The following XKR4 variants were observed in gnomAD, a reference collection of about 807,000 sequenced individuals.
XKR4 encodes the protein XK-related protein 4.
A neutral mutation model predicts 53.9 loss-of-function variants in XKR4; 12 were observed. The ratio of observed to expected loss-of-function variants is 0.22; its 90% CI spans 0.14 to 0.36. The LOEUF is 0.36. Among genes scored for constraint, XKR4 ranks in the 10% least tolerant of loss-of-function variants. The pLI is 1.00. For missense variants in XKR4, 799 were observed against 859.5 expected (o/e 0.93, Z 0.88); for synonymous variants, 354 against 362.4 (o/e 0.98, Z 0.26).
Position 55,524,362 on chromosome 8 carries a change from T to C in XKR4, c.*135T>C. 1 of 895,010 alleles carries C rather than the reference T, an allele frequency of 1.1e-6. No homozygotes were observed. The allele number at this position is 895,010 out of a possible 1,614,324, so 55.4% of individuals were successfully genotyped here. On this transcript the variant is annotated 3_prime_UTR_variant, in exon 3 of 3. Coordinates refer to ENST00000327381, the MANE Select transcript of XKR4 (RefSeq NM_052898.2). ...GTGGGACCGTCATCACCATTATCAT[T>C]TGATCCTGTCGGCTGGGGGCGGCTG... is the stretch of plus-strand genomic sequence containing the variant.
At chr8:55,207,632 G>A (rs555062276) in intron 1 of XKR4, among the ~76,000 whole-genome samples, 6 of 3,568 alleles carry the variant, frequency 1.7e-3, no homozygotes, top group Admixed American at 5.4e-3. Context: ...ACACACATGC[G>A]CGCGCACACA....
intron 1 of XKR4, chr8:55,273,022 T>C (rs1338826007): frequency 7.8e-6 from 3 of 383,076 alleles, no homozygotes; most frequent in African/African-American, 6.4e-5. Flanking sequence ...AAGGGTGTGA[T>C]GTGGTGATGT....
intron 2 of XKR4, among the ~76,000 whole-genome samples, chr8:55,433,200 C>A (rs1297247061): frequency 6.6e-6 from 1 of 152,108 alleles, no homozygotes; most frequent in Non-Finnish European, 1.5e-5. Flanking sequence ...AAAGAGCTAA[C>A]TATCTAAATG....
At chr8:55,448,602 C>G (rs1270296550) in intron 2 of XKR4, among the ~76,000 whole-genome samples, 6 of 152,186 alleles carry the variant, frequency 3.9e-5, no homozygotes, top group Non-Finnish European at 8.8e-5. Flanking sequence ...TTATTTTTCT[C>G]TTAGTGGGTT....
At chr8:55,442,419 T>G (rs1805284059) in intron 2 of XKR4, among the ~76,000 whole-genome samples, 1 of 152,202 alleles carries the variant, frequency 6.6e-6, no homozygotes, top group Non-Finnish European at 1.5e-5. Flanking sequence ...GAAAACAGTT[T>G]GAAACACAGT....
At chr8:55,211,400 A>C (rs1817727975) in intron 1 of XKR4, among the ~76,000 whole-genome samples, 1 of 152,246 alleles carries the variant, frequency 6.6e-6, no homozygotes, top group South Asian at 2.1e-4. Context: ...TGACCATTGC[A>C]CACATCAAGA....
chr8:55,498,441 G>T (rs895809524), intron 2 of XKR4, among the ~76,000 whole-genome samples: 1 of 152,138 alleles, frequency 6.6e-6, no homozygotes, highest in Non-Finnish European at 1.5e-5. Flanking sequence ...GCGCATCCTA[G>T]CAGGAAGGTT....
chr8:55,395,708 G>T (rs763286562), intron 2 of XKR4, among the ~76,000 whole-genome samples: 8 of 152,144 alleles, frequency 5.3e-5, no homozygotes, highest in Non-Finnish European at 1.2e-4. Flanking sequence ...AGGCTTTTAG[G>T]TAGATGGGGC....
At chr8:55,406,908 T>C (rs1804692342) in intron 2 of XKR4, among the ~76,000 whole-genome samples, 1 of 152,200 alleles carries the variant, frequency 6.6e-6, no homozygotes, top group Non-Finnish European at 1.5e-5. Context: ...GAATCATTAT[T>C]AGCTAACATA....
At chr8:55,107,907 C>T (rs1208675913) in intron 1 of XKR4, among the ~76,000 whole-genome samples, 2 of 152,138 alleles carry the variant, frequency 1.3e-5, no homozygotes, top group African/African-American at 2.4e-5. Flanking sequence ...ACACTGAGCA[C>T]CTGCTATGTG....
chr8:55,108,272 A>G (rs1435939965), intron 1 of XKR4, among the ~76,000 whole-genome samples: 2 of 152,168 alleles, frequency 1.3e-5, no homozygotes, highest in East Asian at 1.9e-4. Context: ...GCTAGAGATG[A>G]GATGAAGAAC....
rs146510082 is a variant in XKR4, at chr8:55,197,887, C to T, written c.806+94593C>T. On this transcript the variant is annotated intron_variant, in intron 1 of 2. Coordinates refer to ENST00000327381, the MANE Select transcript of XKR4 (RefSeq NM_052898.2). ...AAACAAAGTTTCATGACTAAAATTC[C>T]TGATTAAAATTACAGTAAAAAATTT... 1.2e-3 allele frequency among the ~76,000 whole-genome samples: 184 copies of T among 152,274 alleles called. 5 individuals are homozygous for T. In the East Asian group the frequency reaches 0.031, roughly 26 times the overall value.
intron 1 of XKR4, among the ~76,000 whole-genome samples, chr8:55,305,194 C>G (rs558644167): frequency 6.6e-6 from 1 of 152,072 alleles, no homozygotes; most frequent in Non-Finnish European, 1.5e-5. Context: ...AATTCAATTC[C>G]TTGCAACACT....
intron 1 of XKR4, among the ~76,000 whole-genome samples, chr8:55,303,730 G>C (rs1435349129): frequency 6.6e-6 from 1 of 151,878 alleles, no homozygotes; most frequent in Non-Finnish European, 1.5e-5. Context: ...TCTTGGGAGG[G>C]TGTATGTGTC....
chr8:55,506,563 C>T (rs1305988019), intron 2 of XKR4, among the ~76,000 whole-genome samples: 1 of 152,202 alleles, frequency 6.6e-6, no homozygotes, highest in Non-Finnish European at 1.5e-5. Context: ...TGTTTAAGAT[C>T]TCATCTTGTT....
At chr8:55,504,138 G>A (rs1362856524) in intron 2 of XKR4, among the ~76,000 whole-genome samples, 2 of 152,052 alleles carry the variant, frequency 1.3e-5, no homozygotes, top group African/African-American at 2.4e-5. Context: ...TTGCATCAAT[G>A]TTCATAAGGG....
chr8:55,369,368 AGG>A (rs1471859679), intron 2 of XKR4, among the ~76,000 whole-genome samples: 1 of 12,556 alleles, frequency 8.0e-5, no homozygotes, highest in Non-Finnish European at 1.3e-4. Context: ...AGGGAAGGGA[AGG>A]GGAGGGGAGG....
At chr8:55,517,929 G>A (rs568982445) in intron 2 of XKR4, 1 of 152,222 alleles carries the variant, frequency 6.6e-6, no homozygotes, top group East Asian at 1.9e-4. Flanking sequence ...CAAAAAAAAA[G>A]AGCCCTTCTC....
chr8:55,300,076 A>G (rs573035597), intron 1 of XKR4, among the ~76,000 whole-genome samples: 2 of 152,328 alleles, frequency 1.3e-5, no homozygotes, highest in South Asian at 2.1e-4. Context: ...ATTCATGGAT[A>G]CCAAGAGCTG....
Sources: allele counts gnomAD v4.1 joint callset (sites outside exome capture counted in the v4.1 genomes callset), GRCh38; gene constraint gnomAD v4.1.1; transcripts MANE v1.5; gene names NCBI Gene and HGNC (gene_info 2026-07-23, HGNC 2026-07-21).